INSYN2B: variants seen among roughly 807,000 people sequenced by gnomAD.
The protein encoded by INSYN2B is inhibitory synaptic factor family member 2B.
INSYN2B carries 16 observed loss-of-function variants against 41.2 expected under a neutral mutation model. The ratio of observed to expected loss-of-function variants is 0.39; its 90% CI spans 0.26 to 0.59. The LOEUF (loss-of-function observed/expected upper bound fraction) is 0.59, where lower values mean the gene tolerates loss of function less well. Ranked by LOEUF, INSYN2B falls within the 20% of genes least tolerant of loss-of-function variation. The probability of loss-of-function intolerance (pLI) is 0.57; values close to 1 mark genes in which losing one functional copy is unlikely to be tolerated. For synonymous variants in INSYN2B, 245 were observed against 244.4 expected (o/e 1.00, Z -0.02); for missense variants, 608 against 646.4 (o/e 0.94, Z 0.64).
At chr5:169,947,003 G>A (rs761070423) in intron 1 of INSYN2B, among the ~76,000 whole-genome samples, 5 of 152,170 alleles carry the variant, frequency 3.3e-5, no homozygotes, top group African/African-American at 1.2e-4. Flanking sequence ...GGAGAGGAGC[G>A]CTGAGTATAC....
intron 1 of INSYN2B, among the ~76,000 whole-genome samples, chr5:169,940,621 T>C (rs2113704361): frequency 6.6e-6 from 1 of 152,302 alleles, no homozygotes; most frequent in Middle Eastern, 3.4e-3. Flanking sequence ...CATTAGGCAT[T>C]AGATTCTCAT....
chr5:169,920,474 C>G (rs1418416032), intron 1 of INSYN2B, among the ~76,000 whole-genome samples: 2 of 152,068 alleles, frequency 1.3e-5, no homozygotes, highest in Non-Finnish European at 2.9e-5. Flanking sequence ...TCCTTTTTGG[C>G]TCAACAGTTT....
intron 1 of INSYN2B, among the ~76,000 whole-genome samples, chr5:169,893,124 C>T (rs1005771682): frequency 1.3e-5 from 2 of 152,146 alleles, no homozygotes; most frequent in African/African-American, 4.8e-5. Flanking sequence ...TTTGGCTATT[C>T]TATGTCAAGG....
At chr5:169,961,197 G>GC (rs1242632730) in intron 1 of INSYN2B, among the ~76,000 whole-genome samples, 1 of 152,310 alleles carries the variant, frequency 6.6e-6, no homozygotes, top group Non-Finnish European at 1.5e-5. Context: ...TAAATGGGTA[G>GC]CCCCCCAAGG....
At chr5:169,917,425 T>C (rs1375351754) in intron 1 of INSYN2B, among the ~76,000 whole-genome samples, 2 of 152,180 alleles carry the variant, frequency 1.3e-5, no homozygotes, top group African/African-American at 2.4e-5. Flanking sequence ...GAGTTTCCTT[T>C]GGTGCAAAGT....
At chr5:169,873,788 C>G in intron 3 of INSYN2B, among the ~76,000 whole-genome samples, 1 of 152,156 alleles carries the variant, frequency 6.6e-6, no homozygotes. Context: ...ATCGCTTAAC[C>G]AAGAAGGAAA....
At chr5:169,954,246 G>C (rs1296714467) in intron 1 of INSYN2B, among the ~76,000 whole-genome samples, 3 of 152,318 alleles carry the variant, frequency 2.0e-5, no homozygotes, top group Middle Eastern at 3.4e-3. Context: ...GCAATCGCTG[G>C]ACATTTTTGA....
chr5:169,904,439 A>T (rs1054409424), intron 1 of INSYN2B, among the ~76,000 whole-genome samples: 4 of 152,164 alleles, frequency 2.6e-5, no homozygotes, highest in African/African-American at 9.7e-5. Flanking sequence ...ACACCTCTCC[A>T]AAGTCTCACT....
chr5:169,884,793 T>C lies in INSYN2B; in HGVS notation c.-895A>G, dbSNP rs1351166986. On this transcript the variant is annotated 5_prime_UTR_variant, in exon 2 of 4. In the 5' UTR this introduces an upstream ATG that the reference lacks. Transcript: ENST00000377365. Reference sequence around the variant, plus strand: ...AGGTCTGAGATGAGCTGGGGTCTGATATCTGCAAGCAGGCGAGGAGCACCT... The same window carrying C: ...AGGTCTGAGATGAGCTGGGGTCTGACATCTGCAAGCAGGCGAGGAGCACCT... 1 of 152,306 alleles carries C rather than the reference T, an allele frequency of 6.6e-6. No individual in the cohort carries two copies. Among genetic ancestry groups the C allele is most frequent in the Non-Finnish European group, 1.5e-5 (1 of 68,052 alleles). The allele number at this position is 152,306 out of a possible 1,614,324, so 9.4% of individuals were successfully genotyped here.
At chr5:169,913,150 C>T (rs1774700570) in intron 1 of INSYN2B, among the ~76,000 whole-genome samples, 1 of 152,112 alleles carries the variant, frequency 6.6e-6, no homozygotes, top group South Asian at 2.1e-4. Flanking sequence ...ATTTAAAGGA[C>T]AACTATACTT....
intron 1 of INSYN2B, among the ~76,000 whole-genome samples, chr5:169,948,529 TA>T (rs959951426): frequency 1.3e-5 from 2 of 152,020 alleles, no homozygotes; most frequent in Admixed American, 1.3e-4. Flanking sequence ...TAGAAACACA[TA>T]TACATTTATA....
chr5:169,926,488 A>T (rs1775464975), intron 1 of INSYN2B, among the ~76,000 whole-genome samples: 1 of 152,200 alleles, frequency 6.6e-6, no homozygotes, highest in African/African-American at 2.4e-5. Context: ...TCAGGTGGCC[A>T]TGTTCAAAGA....
chr5:169,883,301 C>G lies in INSYN2B; in HGVS notation c.598G>C (p.Ala200Pro), dbSNP rs1443344330. 9.0e-6 allele frequency: 14 copies of G among 1,551,600 alleles called. No homozygotes were observed. Among genetic ancestry groups the G allele is most frequent in the Non-Finnish European group, 1.2e-5 (14 of 1,146,910 alleles). ...ATATCATCTGGAACCTGAATGGCAG[C>G]TGTGGCTTTCTCTAAGGACCTCCAA... ...GTWRSLEKAT[A>P]AIQVPDDIYH... Residue 200 changes from alanine (A) to proline (P), a missense_variant, in exon 2 of 4, where the codon GCT (alanine) becomes CCT (proline). By Grantham distance (27) the Ala-to-Pro change is conservative (BLOSUM62 -1). Coordinates refer to ENST00000377365, the MANE Select transcript of INSYN2B (RefSeq NM_001129891.3).
intron 1 of INSYN2B, among the ~76,000 whole-genome samples, chr5:169,907,230 G>A (rs763579692): frequency 1.3e-5 from 2 of 152,182 alleles, no homozygotes; most frequent in Non-Finnish European, 1.5e-5. Context: ...TTTGCATTTG[G>A]TTTGCGTCAT....
intron 1 of INSYN2B, among the ~76,000 whole-genome samples, chr5:169,907,630 C>T (rs1774357294): frequency 6.6e-6 from 1 of 152,206 alleles, no homozygotes; most frequent in Admixed American, 6.5e-5. Context: ...CTCTGTTCTA[C>T]ACACAAGAAA....
In INSYN2B at chr5:169,864,279, C is replaced by A. The variant is rs1771395576; in HGVS notation, c.1602G>T (p.Trp534Cys). The A allele has an allele frequency of 3.2e-6, 5 of 1,551,510 alleles. No homozygotes were observed. Among genetic ancestry groups the A allele is most frequent in the Non-Finnish European group, 4.4e-6 (5 of 1,146,884 alleles). ...TKKVKKKCFW[W>C]I is the part of the protein sequence containing the mutation. Reference sequence around the variant, plus strand: ...GGGGATGGTCCCAACCAGCTCAGATCCACCAGAAGCATTTCTTTTTCACCT... The same window carrying A: ...GGGGATGGTCCCAACCAGCTCAGATACACCAGAAGCATTTCTTTTTCACCT... Residue 534 changes from tryptophan to cysteine, a missense_variant, in exon 4 of 4, where the codon TGG becomes TGT. Coordinates refer to ENST00000377365, the MANE Select transcript of INSYN2B (RefSeq NM_001129891.3).
chr5:169,941,117 C>T (rs975933701), intron 1 of INSYN2B, among the ~76,000 whole-genome samples: 4 of 152,146 alleles, frequency 2.6e-5, no homozygotes, highest in African/African-American at 7.2e-5. Flanking sequence ...AGCCGCGCCC[C>T]GAAGGGAAAG....
chr5:169,948,569 C>T (rs1213518899), intron 1 of INSYN2B, among the ~76,000 whole-genome samples: 1 of 151,250 alleles, frequency 6.6e-6, no homozygotes, highest in Non-Finnish European at 1.5e-5. Context: ...TTTATCCCTC[C>T]CTCCTTCCCT....
intron 1 of INSYN2B, among the ~76,000 whole-genome samples, chr5:169,888,307 G>T (rs1370222012): frequency 6.6e-6 from 1 of 152,196 alleles, no homozygotes; most frequent in African/African-American, 2.4e-5. Flanking sequence ...GGCATTGGTG[G>T]TTAGGGCTAA....
Sources: gnomAD v4.1 joint callset for allele counts (sites outside exome capture counted in the v4.1 genomes callset) on GRCh38, gnomAD v4.1.1 for gene constraint, MANE v1.5 for transcripts, NCBI Gene and HGNC (gene_info 2026-07-23, HGNC 2026-07-21) for gene names.